LOXHD1: variants seen among roughly 807,000 people sequenced by gnomAD.
LOXHD1 encodes lipoxygenase homology domain-containing protein 1.
Under a neutral mutation model 248.2 loss-of-function variants are expected in LOXHD1, and 205 were observed. The observed-to-expected ratio is 0.83, with a 90% CI of 0.74 to 0.93. LOXHD1 has a LOEUF of 0.93. LOXHD1 is among the 40% of genes least tolerant of loss of function. The pLI is 0.00. For missense variants in LOXHD1, 2,930 were observed against 2,971.6 expected (o/e 0.99, Z 0.33); for synonymous variants, 1,113 against 1,162.8 (o/e 0.96, Z 0.87).
chr18:46,541,754 C>A, intron 25 of LOXHD1, 22 bp downstream of exon 25: 2 of 1,551,454 alleles, frequency 1.3e-6, no homozygotes, highest in Non-Finnish European at 1.7e-6. Context: ...GAAGGGCTGG[C>A]CTTGCCGTGT....
Position 46,518,155 on chromosome 18 carries a change from C to G in LOXHD1, c.5373G>C (p.Glu1791Asp). The change falls in exon 34 of 41, where the codon GAG becomes GAC. Residue 1791 changes from glutamate (E) to aspartate (D), a missense_variant. Coordinates refer to ENST00000642948, the MANE Select transcript of LOXHD1 (RefSeq NM_001384474.1). ...TGGCTTTCTTTTTGTCCAGCTGCAT[C>G]TCCTCTGTGCTCCCGTTGATGCCGT... ...TLYGINGSTE[E>D]MQLDKKKARF... 1 of 1,551,708 alleles carries G rather than the reference C, an allele frequency of 6.4e-7. No individual in the cohort carries two copies.
At chr18:46,650,202 A>G (rs78071125) in intron 1 of LOXHD1, among the ~76,000 whole-genome samples, 123 of 152,142 alleles carry the variant, frequency 8.1e-4, no homozygotes, top group Non-Finnish European at 5.9e-5. Flanking sequence ...TCATTCCATT[A>G]TGAGATTTTC....
At chr18:46,573,244 T>G (rs74365959) in intron 14 of LOXHD1, among the ~76,000 whole-genome samples, 1,696 of 152,080 alleles carry the variant, frequency 0.011, 15 homozygotes, top group Middle Eastern at 0.034. Flanking sequence ...CTTCAACATG[T>G]TGGAGTGAGC....
intron 34 of LOXHD1, among the ~76,000 whole-genome samples, chr18:46,512,615 TG>T (rs2035031811): frequency 1.3e-5 from 2 of 152,270 alleles, no homozygotes; most frequent in African/African-American, 4.8e-5. Flanking sequence ...GGTGGTTCCA[TG>T]CTTAGACAGC....
chr18:46,610,913 G>C lies in LOXHD1; in HGVS notation c.622C>G (p.Leu208Val). 1 of 1,551,788 alleles carries C rather than the reference G, an allele frequency of 6.4e-7. No homozygotes were observed. The highest frequency in any genetic ancestry group is 8.7e-7 in the Non-Finnish European group (1 of 1,146,996). Reference sequence around the variant, plus strand: ...TCAAAGTTGTCCTTTTCATTTTCTAGCCTACGCTCCCCTGTATGCACAGAC... The same window carrying C: ...TCAAAGTTGTCCTTTTCATTTTCTACCCTACGCTCCCCTGTATGCACAGAC... ...GEYGDTGERR[L>V]ENEKDNFEKG... Residue 208 changes from leucine to valine, a missense_variant, in exon 6 of 41, where the codon CTA becomes GTA. Leu to Val is a conservative substitution (Grantham distance 32). Coordinates refer to ENST00000642948, the MANE Select transcript of LOXHD1 (RefSeq NM_001384474.1).
chr18:46,598,573 A>G (rs1417226582), intron 8 of LOXHD1, among the ~76,000 whole-genome samples: 1 of 152,122 alleles, frequency 6.6e-6, no homozygotes, highest in Non-Finnish European at 1.5e-5. Context: ...AGAATTATTG[A>G]GACATTATCA....
intron 34 of LOXHD1, among the ~76,000 whole-genome samples, chr18:46,514,020 C>G (rs1339597693): frequency 4.6e-5 from 7 of 152,148 alleles, no homozygotes; most frequent in African/African-American, 1.7e-4. Flanking sequence ...CTGATCTGGG[C>G]TCCTTAGGGA....
chr18:46,597,633 C>G (rs1341759690), intron 8 of LOXHD1, among the ~76,000 whole-genome samples: 1 of 152,042 alleles, frequency 6.6e-6, no homozygotes, highest in African/African-American at 2.4e-5. Context: ...GGAAACATCA[C>G]TGCAATTTTT....
At chr18:46,587,442 T>C (rs1232783660) in intron 12 of LOXHD1, among the ~76,000 whole-genome samples, 1 of 152,194 alleles carries the variant, frequency 6.6e-6, no homozygotes, top group African/African-American at 2.4e-5. Context: ...GCCTGGGAAT[T>C]CCCATCCCTT....
At chr18:46,505,722 C>T in intron 37 of LOXHD1, 116 bp downstream of exon 37, 1 of 1,079,752 alleles carries the variant, frequency 9.3e-7, no homozygotes, top group Non-Finnish European at 1.4e-6. Flanking sequence ...CAACTGTGTT[C>T]AGTTTTCTGC....
intron 34 of LOXHD1, 131 bp downstream of exon 34, chr18:46,517,998 C>T: frequency 8.6e-7 from 1 of 1,158,646 alleles, no homozygotes; most frequent in African/African-American, 1.5e-5. Context: ...ACAGAATAGA[C>T]AAAGGCAGAG....
intron 21 of LOXHD1, among the ~76,000 whole-genome samples, chr18:46,548,520 C>T (rs1327861217): frequency 6.6e-6 from 1 of 152,222 alleles, no homozygotes; most frequent in Non-Finnish European, 1.5e-5. Context: ...ATGAACTAAG[C>T]TACCATTAAA....
intron 18 of LOXHD1, among the ~76,000 whole-genome samples, chr18:46,562,535 G>A (rs1599006960): frequency 6.6e-6 from 1 of 152,132 alleles, no homozygotes; most frequent in Non-Finnish European, 1.5e-5. Flanking sequence ...GGATACTCAG[G>A]AAACAGCCAT....
intron 14 of LOXHD1, among the ~76,000 whole-genome samples, chr18:46,575,764 G>C (rs1374081529): frequency 6.6e-6 from 1 of 152,106 alleles, no homozygotes; most frequent in Non-Finnish European, 1.5e-5. Flanking sequence ...CACCCAGTCT[G>C]TGCACTTTGT....
At chr18:46,564,963 T>C (rs2037607926) in intron 17 of LOXHD1, among the ~76,000 whole-genome samples, 1 of 152,106 alleles carries the variant, frequency 6.6e-6, no homozygotes, top group Admixed American at 6.5e-5. Context: ...TCAGGGCCAA[T>C]GTAGAAATGC....
intron 34 of LOXHD1, among the ~76,000 whole-genome samples, chr18:46,516,818 TCATCATCATCCCTACCATCATCAA>T (rs772143434): frequency 1.7e-4 from 26 of 151,948 alleles, no homozygotes; most frequent in African/African-American, 4.8e-4. Context: ...ACCACCATCA[TCATCATCATCCCTACCATCATCAA>T]CATCATCATC....
intron 4 of LOXHD1, among the ~76,000 whole-genome samples, chr18:46,634,873 G>A (rs763595885): frequency 5.3e-5 from 8 of 152,190 alleles, no homozygotes; most frequent in Non-Finnish European, 7.3e-5. Context: ...TGGTGGTGAC[G>A]GTTGCACAAC....
Position 46,477,754 on chromosome 18 carries a change from C to T in LOXHD1, c.6540G>A (p.Gly2180=). ...CCCGCTTGCCTGTGTCTCCGTTGGC[C>T]CCAAAGATGGTCACGAAGACGTTGG... is the stretch of plus-strand genomic sequence containing the variant. ...TDANVFVTIF[G]ANGDTGKREL... The change falls in exon 41 of 41, where the codon GGG becomes GGA. Residue 2180 remains glycine, a synonymous_variant. Transcript: ENST00000642948. 6.4e-7 allele frequency: 1 copy of T among 1,551,934 alleles called. No individual in the cohort carries two copies. The highest frequency in any genetic ancestry group is 8.7e-7 in the Non-Finnish European group (1 of 1,147,048).
chr18:46,528,572 G>A (rs550078055), intron 29 of LOXHD1, among the ~76,000 whole-genome samples: 5 of 152,244 alleles, frequency 3.3e-5, no homozygotes, highest in African/African-American at 1.2e-4. Context: ...TGATCAACAG[G>A]CCAGGTCAAA....
Sources: allele counts gnomAD v4.1 joint callset (sites outside exome capture counted in the v4.1 genomes callset), GRCh38; gene constraint gnomAD v4.1.1; transcripts MANE v1.5; gene names NCBI Gene and HGNC (gene_info 2026-07-23, HGNC 2026-07-21).